Variants in MORC1 observed in about 807,000 individuals in gnomAD.
MORC1 encodes the protein MORC family CW-type zinc finger protein 1.
MORC1 carries 59 observed loss-of-function variants against 134.9 expected under a neutral mutation model. The observed-to-expected ratio is 0.44, with a 90% CI of 0.35 to 0.54. The LOEUF is 0.54. Ranked by LOEUF, MORC1 falls within the 20% of genes least tolerant of loss-of-function variation. The probability of loss-of-function intolerance (pLI) is 0.00; values close to 1 mark genes in which losing one functional copy is unlikely to be tolerated. For missense variants in MORC1, 947 were observed against 1,134.5 expected, an observed-to-expected ratio of 0.83 and a Z score of 2.37; for synonymous variants, 395 against 391.7, an observed-to-expected ratio of 1.01 and a Z score of -0.10.
intron 8 of MORC1, among the ~76,000 whole-genome samples, chr3:109,087,591 GA>G (rs1457723144): frequency 6.6e-6 from 1 of 151,952 alleles, no homozygotes; most frequent in Non-Finnish European, 1.5e-5. Flanking sequence ...CAAACAAATG[GA>G]AAAACATCAC....
intron 8 of MORC1, among the ~76,000 whole-genome samples, chr3:109,079,939 A>G (rs1024598909): frequency 2.0e-5 from 3 of 152,206 alleles, no homozygotes; most frequent in South Asian, 2.1e-4. Flanking sequence ...TGAAGAAGTA[A>G]TAACAGCTAA....
At chr3:109,105,216 C>A (rs1048763283) in intron 3 of MORC1, among the ~76,000 whole-genome samples, 3 of 151,786 alleles carry the variant, frequency 2.0e-5, no homozygotes, top group African/African-American at 7.3e-5. Context: ...GACCTTATGG[C>A]CACTAAAAAT....
chr3:108,977,794 G>A (rs907827649), intron 24 of MORC1, among the ~76,000 whole-genome samples: 6 of 152,102 alleles, frequency 3.9e-5, no homozygotes, highest in Non-Finnish European at 5.9e-5. Context: ...GGCAGAGGGT[G>A]GGAAACTAGT....
At chr3:109,061,743 T>C (rs550913596) in intron 11 of MORC1, among the ~76,000 whole-genome samples, 205 of 152,288 alleles carry the variant, frequency 1.3e-3, no homozygotes, top group Admixed American at 3.6e-3. Context: ...TTCCCCACCA[T>C]TTCAAATTCA....
chr3:108,980,188 T>C (rs1158277814), intron 23 of MORC1, among the ~76,000 whole-genome samples: 1 of 152,170 alleles, frequency 6.6e-6, no homozygotes, highest in African/African-American at 2.4e-5. Flanking sequence ...CCTTTAGAAA[T>C]ACAATTATAA....
At chr3:109,020,858 G>A (rs1363656156) in intron 17 of MORC1, among the ~76,000 whole-genome samples, 2 of 152,038 alleles carry the variant, frequency 1.3e-5, no homozygotes, top group Non-Finnish European at 2.9e-5. Context: ...ATGGTCAGGT[G>A]ACAAGGATTG....
intron 17 of MORC1, among the ~76,000 whole-genome samples, chr3:109,013,041 T>C (rs913886082): frequency 2.6e-5 from 4 of 152,200 alleles, no homozygotes; most frequent in African/African-American, 9.6e-5. Flanking sequence ...TGCAAGTGTT[T>C]TGTAGATGCC....
intron 21 of MORC1, among the ~76,000 whole-genome samples, chr3:108,991,641 G>A (rs1451554488): frequency 2.0e-5 from 3 of 152,060 alleles, no homozygotes; most frequent in Non-Finnish European, 2.9e-5. Flanking sequence ...TCACACTTTA[G>A]GCAAACAATG....
At chr3:109,015,901 C>A (rs1234453007) in intron 17 of MORC1, among the ~76,000 whole-genome samples, 1 of 152,056 alleles carries the variant, frequency 6.6e-6, no homozygotes, top group African/African-American at 2.4e-5. Context: ...AGAAGTGATT[C>A]CCAGGACAGT....
Position 109,007,852 on chromosome 3 carries a change from C to T in MORC1, c.1705-761G>A, listed in dbSNP as rs373221813. ...TACTTCATTCTCCACTTGTCTAATTCATATTCCATTAATATGTGACCACTG... is the reference window on the plus strand; with the variant it reads ...TACTTCATTCTCCACTTGTCTAATTTATATTCCATTAATATGTGACCACTG... On this transcript the variant is annotated intron_variant, in intron 17 of 27. Transcript: ENST00000232603. 1.1e-4 allele frequency among the ~76,000 whole-genome samples: 17 copies of T among 152,232 alleles called. No individual in the cohort carries two copies. The East Asian group carries it at 1.5e-3, about 14-fold the overall frequency.
At chr3:109,017,795 T>C (rs1948851857) in intron 17 of MORC1, among the ~76,000 whole-genome samples, 1 of 152,242 alleles carries the variant, frequency 6.6e-6, no homozygotes, top group Admixed American at 6.5e-5. Context: ...CAAAGAAGAA[T>C]CATTACCCTA....
chr3:108,991,660 G>A (rs556364192), intron 21 of MORC1, among the ~76,000 whole-genome samples: 6 of 152,076 alleles, frequency 3.9e-5, no homozygotes, highest in South Asian at 2.1e-4. Context: ...TGGCTTCATC[G>A]GCATCATCAA....
At chr3:109,001,991 C>T (rs1363830184) in intron 20 of MORC1, among the ~76,000 whole-genome samples, 1 of 152,170 alleles carries the variant, frequency 6.6e-6, no homozygotes, top group East Asian at 1.9e-4. Flanking sequence ...AGTCATTCTG[C>T]CATTTTCCTC....
intron 21 of MORC1, among the ~76,000 whole-genome samples, chr3:108,997,626 G>A (rs1213960512): frequency 2.0e-5 from 3 of 152,222 alleles, no homozygotes; most frequent in Admixed American, 1.3e-4. Context: ...GGGGTAGGGA[G>A]GGAAGTTAGG....
At chr3:109,072,381 T>C (rs890912561) in intron 8 of MORC1, among the ~76,000 whole-genome samples, 1 of 152,108 alleles carries the variant, frequency 6.6e-6, no homozygotes, top group Admixed American at 6.5e-5. Flanking sequence ...AAGCCTTCCC[T>C]CAGCCCCGAG....
At chr3:109,050,311 C>A (rs1431811103) in intron 14 of MORC1, among the ~76,000 whole-genome samples, 1 of 152,204 alleles carries the variant, frequency 6.6e-6, no homozygotes, top group African/African-American at 2.4e-5. Flanking sequence ...ACATTTATTT[C>A]TCACAGTTCT....
At chr3:109,109,092 G>A (rs1223530424) in intron 3 of MORC1, among the ~76,000 whole-genome samples, 1 of 152,100 alleles carries the variant, frequency 6.6e-6, no homozygotes, top group Non-Finnish European at 1.5e-5. Context: ...AGACATCTGT[G>A]TGGCTCCCTC....
chr3:109,009,882 GTGTTCT>G (rs1409144999), intron 17 of MORC1, among the ~76,000 whole-genome samples: 1 of 152,080 alleles, frequency 6.6e-6, no homozygotes, highest in East Asian at 1.9e-4. Context: ...CTTTAAAAAT[GTGTTCT>G]TCCATTACTC....
At chr3:109,040,537 A>G (rs888762786) in intron 14 of MORC1, among the ~76,000 whole-genome samples, 2 of 151,976 alleles carry the variant, frequency 1.3e-5, no homozygotes, top group African/African-American at 4.8e-5. Context: ...AAATAAAGAA[A>G]GAAAAAAGAA....
Sources: allele counts gnomAD v4.1 joint callset (sites outside exome capture counted in the v4.1 genomes callset), GRCh38; gene constraint gnomAD v4.1.1; transcripts MANE v1.5; gene names NCBI Gene and HGNC (gene_info 2026-07-23, HGNC 2026-07-21).